Variants in SLC24A3 observed in about 807,000 individuals in gnomAD.
SLC24A3 encodes sodium/potassium/calcium exchanger 3.
In SLC24A3, 28 loss-of-function variants were observed where a neutral mutation model predicts 75.8. The observed-to-expected ratio is 0.37, with a 90% CI of 0.27 to 0.51. The LOEUF (loss-of-function observed/expected upper bound fraction) is 0.51. Ranked by LOEUF, SLC24A3 falls within the 20% of genes least tolerant of loss-of-function variation. The pLI is 0.94. For synonymous variants in SLC24A3, 372 were observed against 334.1 expected, an observed-to-expected ratio of 1.11 and a Z score of -1.24; for missense variants, 663 against 847.8, an observed-to-expected ratio of 0.78 and a Z score of 2.71.
At position 19,241,305 on chromosome 20, in the gene SLC24A3, G is replaced by A. The variant is rs1319066886; in HGVS notation, c.142+28321G>A. On this transcript the variant is annotated intron_variant, in intron 1 of 16. Coordinates refer to ENST00000328041, the MANE Select transcript of SLC24A3 (RefSeq NM_020689.4). ...CTGCTCAGCCATGTGTTCCTGCTTC[G>A]TCCATGTGCTTTGAGGCCCCAGGGT... Among the ~76,000 whole-genome samples, 19 of 152,282 alleles carry A rather than the reference G, an allele frequency of 1.2e-4. No individual in the cohort carries two copies. In the East Asian group the frequency reaches 2.7e-3, roughly 22 times the overall value.
chr20:19,464,652 C>A (rs1037587955), intron 2 of SLC24A3, among the ~76,000 whole-genome samples: 1 of 152,202 alleles, frequency 6.6e-6, no homozygotes, highest in Admixed American at 6.5e-5. Flanking sequence ...AAATTAGCAA[C>A]AATCATAGCA....
At chr20:19,338,777 C>T (rs146501289) in intron 2 of SLC24A3, among the ~76,000 whole-genome samples, 2 of 152,180 alleles carry the variant, frequency 1.3e-5, no homozygotes, top group African/African-American at 2.4e-5. Flanking sequence ...TATGGGGCTG[C>T]GAAAATTGCA....
rs184832912 is a variant in SLC24A3 at position 19,440,842 on chromosome 20, G to A, written c.272-74646G>A. ...ATGAACTTAAGGGCTCGGGTGGAGG[G>A]CCCTGGGTGAGGGCTCAGCACTGGG... On this transcript the variant is annotated intron_variant, in intron 2 of 16. Coordinates refer to ENST00000328041, the MANE Select transcript of SLC24A3 (RefSeq NM_020689.4). Among the ~76,000 whole-genome samples, 13 of 152,204 alleles carry A rather than the reference G, an allele frequency of 8.5e-5. No individual in the cohort carries two copies. In the East Asian group the frequency reaches 2.1e-3, roughly 25 times the overall value.
intron 16 of SLC24A3, 107 bp downstream of exon 16, chr20:19,717,700 AC>A: frequency 8.3e-7 from 1 of 1,197,650 alleles, no homozygotes; most frequent in Non-Finnish European, 1.2e-6. Context: ...GGTACAAGCA[AC>A]CTCCTTGTCC....
At chr20:19,593,590 T>A (rs1165332043) in intron 6 of SLC24A3, among the ~76,000 whole-genome samples, 1 of 152,220 alleles carries the variant, frequency 6.6e-6, no homozygotes, top group African/African-American at 2.4e-5. Context: ...TCAGAGAGGC[T>A]GAGTACTGTG....
Position 19,321,982 on chromosome 20 carries a change from C to T in SLC24A3, c.271+40895C>T, listed in dbSNP as rs187627665. 7.8e-4 allele frequency among the ~76,000 whole-genome samples: 119 copies of T among 152,264 alleles called. No individual in the cohort carries two copies. The Middle Eastern group carries it at 0.01, about 13-fold the overall frequency. On this transcript the variant is annotated intron_variant, in intron 2 of 16. Coordinates refer to ENST00000328041, the MANE Select transcript of SLC24A3 (RefSeq NM_020689.4). ...CCATGCTCTGAACTTGTCTGATTAA[C>T]GGATTACCTCTCTCTGATTAGATGC...
chr20:19,524,571 C>T (rs888934055), intron 3 of SLC24A3, among the ~76,000 whole-genome samples: 3 of 152,180 alleles, frequency 2.0e-5, no homozygotes, highest in Non-Finnish European at 2.9e-5. Flanking sequence ...AGATACCAAA[C>T]GTTTACATGT....
At chr20:19,324,152 C>T (rs1164066145) in intron 2 of SLC24A3, among the ~76,000 whole-genome samples, 1 of 152,162 alleles carries the variant, frequency 6.6e-6, no homozygotes, top group Admixed American at 6.5e-5. Flanking sequence ...TCTTCCCAAG[C>T]CATTAAATAA....
At chr20:19,646,689 A>G (rs896379381) in intron 6 of SLC24A3, among the ~76,000 whole-genome samples, 1 of 152,196 alleles carries the variant, frequency 6.6e-6, no homozygotes, top group African/African-American at 2.4e-5. Flanking sequence ...GAGAACAGTC[A>G]TGGCCTCTGA....
At chr20:19,488,420 G>C (rs1049663065) in intron 2 of SLC24A3, among the ~76,000 whole-genome samples, 2 of 152,198 alleles carry the variant, frequency 1.3e-5, no homozygotes, top group African/African-American at 4.8e-5. Flanking sequence ...TCATTATAGA[G>C]CCTCATGTGT....
chr20:19,401,866 C>A (rs972228996), intron 2 of SLC24A3, among the ~76,000 whole-genome samples: 1 of 152,196 alleles, frequency 6.6e-6, no homozygotes, highest in South Asian at 2.1e-4. Flanking sequence ...GGAATTCACT[C>A]GTGGGATTGA....
At chr20:19,243,410 G>C (rs1294461639) in intron 1 of SLC24A3, among the ~76,000 whole-genome samples, 1 of 152,176 alleles carries the variant, frequency 6.6e-6, no homozygotes, top group African/African-American at 2.4e-5. Flanking sequence ...AAATAACTGC[G>C]AATTTCTTCA....
intron 2 of SLC24A3, among the ~76,000 whole-genome samples, chr20:19,302,401 AAAC>A (rs1269588250): frequency 6.6e-6 from 1 of 152,262 alleles, no homozygotes; most frequent in African/African-American, 2.4e-5. Flanking sequence ...TTTTATCTTG[AAAC>A]AACAAAAATT....
At chr20:19,678,346 C>CG (rs1420007459) in intron 9 of SLC24A3, among the ~76,000 whole-genome samples, 1 of 127,798 alleles carries the variant, frequency 7.8e-6, no homozygotes, top group Admixed American at 7.3e-5. Flanking sequence ...GCTGACCCCC[C>CG]CCACCTCCCT....
At chr20:19,445,207 A>C (rs1001590578) in intron 2 of SLC24A3, among the ~76,000 whole-genome samples, 3 of 152,026 alleles carry the variant, frequency 2.0e-5, no homozygotes, top group East Asian at 3.9e-4. Context: ...CTCACCCCTT[A>C]TTTCTAAATA....
intron 15 of SLC24A3, among the ~76,000 whole-genome samples, chr20:19,711,632 G>T (rs2032994405): frequency 6.6e-6 from 1 of 152,030 alleles, no homozygotes; most frequent in African/African-American, 2.4e-5. Flanking sequence ...AGAATCACCA[G>T]CAGATGCTTT....
chr20:19,391,705 G>A (rs1272914982), intron 2 of SLC24A3, among the ~76,000 whole-genome samples: 1 of 152,196 alleles, frequency 6.6e-6, no homozygotes, highest in Non-Finnish European at 1.5e-5. Flanking sequence ...AGGGAGCATA[G>A]TCTTTGGGAG....
intron 2 of SLC24A3, among the ~76,000 whole-genome samples, chr20:19,443,110 G>T (rs549905090): frequency 6.6e-6 from 1 of 152,244 alleles, no homozygotes; most frequent in Admixed American, 6.5e-5. Context: ...GATGAAGTCA[G>T]GTAGTTTTAG....
chr20:19,692,308 C>T (rs1314358336), intron 12 of SLC24A3, among the ~76,000 whole-genome samples: 3 of 152,064 alleles, frequency 2.0e-5, no homozygotes, highest in Admixed American at 6.6e-5. Flanking sequence ...GAAACATGAC[C>T]ACAAAAAGAC....
Sources: allele counts gnomAD v4.1 joint callset (sites outside exome capture counted in the v4.1 genomes callset), GRCh38; gene constraint gnomAD v4.1.1; transcripts MANE v1.5; gene names NCBI Gene and HGNC (gene_info 2026-07-23, HGNC 2026-07-21).